Variants in CHRM5 observed in about 807,000 individuals in gnomAD.
The protein encoded by CHRM5 is cholinergic receptor muscarinic 5.
A neutral mutation model predicts 39.0 loss-of-function variants in CHRM5; 18 were observed. That is an observed-to-expected ratio of 0.46 (90% CI 0.32 to 0.68). The LOEUF is 0.68. CHRM5 is among the 30% of genes least tolerant of loss of function. The pLI is 0.04. For missense variants in CHRM5, 515 were observed against 651.1 expected, an observed-to-expected ratio of 0.79 and a Z score of 2.28; for synonymous variants, 241 against 246.3, an observed-to-expected ratio of 0.98 and a Z score of 0.20.
chr15:34,031,238 G>A lies in CHRM5; in HGVS notation c.-407-15302G>A, dbSNP rs541079609. ...TGCCCAGGCTGGAATGCAATGGCGC[G>A]ATCTCAGCTCACTGCAACCTCCGCC... is the stretch of plus-strand genomic sequence containing the variant. On this transcript the variant is annotated intron_variant, in intron 1 of 2. Transcript: ENST00000383263. Among the ~76,000 whole-genome samples the A allele has an allele frequency of 1.7e-3, 244 of 141,464 alleles. 1 individual carries two copies. Among genetic ancestry groups the A allele is most frequent in the African/African-American group, 4.0e-3 (153 of 38,212 alleles). 92.8% of individuals were successfully genotyped at this position (141,464 alleles called of 152,430 possible).
intron 1 of CHRM5, among the ~76,000 whole-genome samples, chr15:33,990,307 G>C (rs1209360574): frequency 1.3e-5 from 2 of 152,120 alleles, no homozygotes; most frequent in African/African-American, 4.8e-5. Flanking sequence ...GCTAGAACCT[G>C]GGAGGCAGAG....
At chr15:33,987,928 G>C (rs975792621) in intron 1 of CHRM5, among the ~76,000 whole-genome samples, 1 of 152,180 alleles carries the variant, frequency 6.6e-6, no homozygotes, top group South Asian at 2.1e-4. Flanking sequence ...TGGCCACACA[G>C]ACCCACATTC....
chr15:34,044,898 A>G (rs1899629989), intron 1 of CHRM5, among the ~76,000 whole-genome samples: 1 of 152,102 alleles, frequency 6.6e-6, no homozygotes, highest in Non-Finnish European at 1.5e-5. Flanking sequence ...AATACAAAAA[A>G]TTAGCTGGGC....
intron 1 of CHRM5, among the ~76,000 whole-genome samples, chr15:34,015,786 A>G (rs752247966): frequency 9.9e-5 from 15 of 152,212 alleles, no homozygotes; most frequent in Non-Finnish European, 1.9e-4. Context: ...TCCTTCTCCA[A>G]GTCCTTATAT....
chr15:34,000,306 T>G lies in CHRM5; in HGVS notation c.-408+31156T>G, dbSNP rs1156861186. The stretch of plus-strand genomic sequence containing the variant: ...GTGAGACAGGTGTCTATATCTGTTC[T>G]GTTCACCACTCTATGTCCAGCCTCT... On this transcript the variant is annotated intron_variant, in intron 1 of 2. Coordinates refer to ENST00000383263, the MANE Select transcript of CHRM5 (RefSeq NM_012125.4). 3.3e-5 allele frequency among the ~76,000 whole-genome samples: 5 copies of G among 152,256 alleles called. No individual in the cohort carries two copies. The East Asian group carries it at 9.6e-4, about 29-fold the overall frequency.
At chr15:34,055,779 C>T (rs1469177114) in intron 2 of CHRM5, among the ~76,000 whole-genome samples, 3 of 151,728 alleles carry the variant, frequency 2.0e-5, no homozygotes, top group Non-Finnish European at 2.9e-5. Context: ...CCAGCCTGGG[C>T]GACGGAGCAA....
chr15:34,059,703 C>T (rs1227941639), intron 2 of CHRM5, among the ~76,000 whole-genome samples: 1 of 152,222 alleles, frequency 6.6e-6, no homozygotes, highest in African/African-American at 2.4e-5. Context: ...CTAGCATCCC[C>T]AGCCTCCACC....
chr15:34,027,265 A>C (rs989082486), intron 1 of CHRM5, among the ~76,000 whole-genome samples: 2 of 152,226 alleles, frequency 1.3e-5, no homozygotes, highest in African/African-American at 4.8e-5. Flanking sequence ...CTGTAATCCT[A>C]GCACTTTGGG....
chr15:34,050,137 C>T (rs1433475056), intron 2 of CHRM5, among the ~76,000 whole-genome samples: 1 of 152,090 alleles, frequency 6.6e-6, no homozygotes, highest in Admixed American at 6.5e-5. Context: ...ATCCACCCAC[C>T]TCGGCCTCCC....
At chr15:33,971,328 T>TA (rs1895629346) in intron 1 of CHRM5, among the ~76,000 whole-genome samples, 1 of 152,090 alleles carries the variant, frequency 6.6e-6, no homozygotes, top group Admixed American at 6.6e-5. Flanking sequence ...TGTGATTGTG[T>TA]ATCATTAGTT....
chr15:34,001,461 C>G (rs1445263568), intron 1 of CHRM5, among the ~76,000 whole-genome samples: 1 of 152,148 alleles, frequency 6.6e-6, no homozygotes, highest in African/African-American at 2.4e-5. Context: ...TCAATTTTCT[C>G]CCCCTAGATC....
rs911196051 is a variant in CHRM5, at chr15:34,063,596, T to C, written c.879T>C (p.Asn293=). 28 of 1,613,760 alleles carry C rather than the reference T, an allele frequency of 1.7e-5. No individual in the cohort carries two copies. Among genetic ancestry groups the C allele is most frequent in the African/African-American group, 4.0e-5 (3 of 74,926 alleles). Reference sequence around the variant, plus strand: ...CCCAAGCCACTGGCCCAAGCGCCAATTGGGCCAAAGCTGAGCAGCTCACCA... The same window carrying C: ...CCCAAGCCACTGGCCCAAGCGCCAACTGGGCCAAAGCTGAGCAGCTCACCA... The part of the protein sequence containing the change: ...KPSQATGPSA[N]WAKAEQLTTC... The change falls in exon 3 of 3, where the codon AAT becomes AAC. Residue 293 remains asparagine (N), a synonymous_variant. Coordinates refer to ENST00000383263, the MANE Select transcript of CHRM5 (RefSeq NM_012125.4). The surrounding 1 kb of genome is among the most constrained non-coding windows in gnomAD (Gnocchi z 4.1).
chr15:34,061,656 T>C (rs777923743), intron 2 of CHRM5, among the ~76,000 whole-genome samples: 18 of 152,220 alleles, frequency 1.2e-4, no homozygotes, highest in Non-Finnish European at 1.2e-4. Flanking sequence ...TTTGAGCTTT[T>C]ATAAGGAATG....
chr15:33,971,286 T>C (rs1895627842), intron 1 of CHRM5, among the ~76,000 whole-genome samples: 1 of 152,094 alleles, frequency 6.6e-6, no homozygotes, highest in Admixed American at 6.6e-5. Flanking sequence ...CATTCACACA[T>C]ATTATATAAA....
chr15:34,025,084 C>T (rs903021787), intron 1 of CHRM5, among the ~76,000 whole-genome samples: 1 of 151,846 alleles, frequency 6.6e-6, no homozygotes, highest in Non-Finnish European at 1.5e-5. Context: ...GCAGGAGAAT[C>T]GTTTGAGCCC....
intron 1 of CHRM5, among the ~76,000 whole-genome samples, chr15:34,003,652 T>C (rs1419737242): frequency 6.6e-6 from 1 of 152,332 alleles, no homozygotes; most frequent in Non-Finnish European, 1.5e-5. Context: ...AATGAAAGTA[T>C]GACATTATTT....
chr15:34,003,173 C>T (rs763859893), intron 1 of CHRM5: 1 of 1,613,638 alleles, frequency 6.2e-7, no homozygotes, highest in Non-Finnish European at 8.5e-7. Context: ...TCATCATTCT[C>T]TTCTCCATAG....
chr15:33,990,772 T>C (rs2140567489), intron 1 of CHRM5: 1 of 152,370 alleles, frequency 6.6e-6, no homozygotes, highest in Non-Finnish European at 1.5e-5. Flanking sequence ...TTGATGACTT[T>C]AATTTGCCGT....
At chr15:33,989,669 C>CCTGAT (rs1294468576) in intron 1 of CHRM5, among the ~76,000 whole-genome samples, 1 of 151,868 alleles carries the variant, frequency 6.6e-6, no homozygotes, top group Admixed American at 6.6e-5. Flanking sequence ...GAGCTTCTAC[C>CCTGAT]CTGATTTTCT....
Sources: gnomAD v4.1 joint callset for allele counts (sites outside exome capture counted in the v4.1 genomes callset) on GRCh38, gnomAD v4.1.1 for gene constraint, Gnocchi (gnomAD v3.1) non-coding constraint, MANE v1.5 for transcripts, NCBI Gene and HGNC (gene_info 2026-07-23, HGNC 2026-07-21) for gene names.